ALPL: variants seen among roughly 807,000 people sequenced by gnomAD.
The protein encoded by ALPL is alkaline phosphatase, tissue-nonspecific isozyme.
Under a neutral mutation model 51.3 loss-of-function variants are expected in ALPL, and 42 were observed. That is an observed-to-expected ratio of 0.82 (90% confidence interval 0.64 to 1.06). ALPL has a LOEUF of 1.06. Among genes scored for constraint, ALPL ranks in the 50% least tolerant of loss-of-function variants. The probability of loss-of-function intolerance (pLI) is 0.00; values close to 1 mark genes in which losing one functional copy is unlikely to be tolerated. For missense variants in ALPL, 589 were observed against 709.4 expected (o/e 0.83, Z 1.93); for synonymous variants, 279 against 296.4 (o/e 0.94, Z 0.60).
chr1:21,552,047 A>G (rs1644333035), intron 1 of ALPL, among the ~76,000 whole-genome samples: 1 of 138,748 alleles, frequency 7.2e-6, no homozygotes, highest in Non-Finnish European at 1.5e-5. Flanking sequence ...TTAAGGTTGA[A>G]TCAAGATCCT....
Position 21,528,411 on chromosome 1 carries a change from G to A in ALPL, c.-105+18894G>A, listed in dbSNP as rs543855011. ...CACCCAGGCTGGAGTGCAGTGGTGT[G>A]ATCTCAGCTCACCGCAACCTCTGCC... is the stretch of plus-strand genomic sequence containing the variant. On this transcript the variant is annotated intron_variant, in intron 1 of 11. Transcript: ENST00000374840. Among the ~76,000 whole-genome samples the A allele has an allele frequency of 2.8e-5, 4 of 145,166 alleles. No homozygotes were observed. The East Asian group carries it at 8.2e-4, about 30-fold the overall frequency.
At chr1:21,535,342 G>A (rs1191660698) in intron 1 of ALPL, among the ~76,000 whole-genome samples, 1 of 152,140 alleles carries the variant, frequency 6.6e-6, no homozygotes, top group Non-Finnish European at 1.5e-5. Context: ...TTGGCTGGGT[G>A]TGGGGCCTCA....
rs1220125702 is a variant in ALPL at position 21,573,686 on chromosome 1, T to C, written c.884T>C (p.Met295Thr). ...YLLGLFEPGDMQYELNRNNVT... is the reference protein window; with the variant it reads ...YLLGLFEPGDTQYELNRNNVT... ...TCAGGTCTCTTCGAGCCAGGGGACA[T>C]GCAGTACGAGCTGAACAGGAACAAC... Residue 295 changes from methionine to threonine, a missense_variant, in exon 9 of 12, where the codon ATG becomes ACG. Transcript: ENST00000374840. 28 of 1,613,836 alleles carry C rather than the reference T, an allele frequency of 1.7e-5. No homozygotes were observed. Among genetic ancestry groups the C allele is most frequent in the Non-Finnish European group, 2.3e-5 (27 of 1,179,966 alleles).
At position 21,546,445 on chromosome 1, in the gene ALPL, C is replaced by G. The variant is rs561090873; in HGVS notation, c.-104-7533C>G. 2.0e-5 allele frequency among the ~76,000 whole-genome samples: 3 copies of G among 152,294 alleles called. 1 individual carries two copies. The South Asian group carries it at 6.2e-4, about 32-fold the overall frequency. On this transcript the variant is annotated intron_variant, in intron 1 of 11. Transcript: ENST00000374840. ...TGCACAGCTGTGCATATCCAAGTGGCTTGACCTCTCTGGGCCGTTTCTGAA... is the reference window on the plus strand; with the variant it reads ...TGCACAGCTGTGCATATCCAAGTGGGTTGACCTCTCTGGGCCGTTTCTGAA...
intron 1 of ALPL, among the ~76,000 whole-genome samples, chr1:21,526,432 G>A (rs571546888): frequency 5.1e-4 from 77 of 152,242 alleles, no homozygotes; most frequent in South Asian, 1.9e-3. Context: ...GAGCTACCAC[G>A]CCCGGCCTAC....
At position 21,576,252 on chromosome 1, in the gene ALPL, ATGATGGATGGATGGATGGG is replaced by A. The variant is rs1382704716; in HGVS notation, c.1190-267_1190-249del. Among the ~76,000 whole-genome samples, 279 of 100,556 alleles carry A rather than the reference ATGATGGATGGATGGATGGG, an allele frequency of 2.8e-3. 1 individual carries two copies. Among genetic ancestry groups the A allele is most frequent in the South Asian group, 0.011 (41 of 3,594 alleles). 66.0% of individuals were successfully genotyped at this position (100,556 alleles called of 152,430 possible). A position where few individuals can be genotyped will look rare whatever the true frequency, so the allele number is the denominator to read the frequency against. On this transcript the variant is annotated intron_variant, in intron 10 of 11. Coordinates refer to ENST00000374840, the MANE Select transcript of ALPL (RefSeq NM_000478.6). ...GATGGATGGATGGATGGATGGATGG[ATGATGGATGGATGGATGGG>A]TGGATGGATGGATGGGTGGATGGAT...
rs530038495 is a variant in ALPL, at chr1:21,562,376, A to G, written c.298-734A>G. ...GTACACTAAAATGAGGTGTGCCTGT[A>G]CTGACCTAGGTTGTTCAAGGCAGTG... On this transcript the variant is annotated intron_variant, in intron 4 of 11. Coordinates refer to ENST00000374840, the MANE Select transcript of ALPL (RefSeq NM_000478.6). Among the ~76,000 whole-genome samples the G allele has an allele frequency of 5.3e-5, 8 of 152,314 alleles. No homozygotes were observed. The East Asian group carries it at 1.4e-3, about 26-fold the overall frequency.
intron 1 of ALPL, among the ~76,000 whole-genome samples, chr1:21,534,862 A>G (rs1644076784): frequency 6.6e-6 from 1 of 152,122 alleles, no homozygotes; most frequent in Admixed American, 6.6e-5. Context: ...GGATCATTGC[A>G]AGGCCACAGT....
intron 1 of ALPL, among the ~76,000 whole-genome samples, chr1:21,524,149 G>A (rs1297747496): frequency 2.0e-5 from 3 of 151,868 alleles, no homozygotes; most frequent in Admixed American, 6.6e-5. Flanking sequence ...GATTACAGGC[G>A]CGTGCCACCA....
At chr1:21,567,702 T>C (rs1485988518) in intron 6 of ALPL, among the ~76,000 whole-genome samples, 1 of 152,228 alleles carries the variant, frequency 6.6e-6, no homozygotes, top group Admixed American at 6.5e-5. Flanking sequence ...TGCCCATTTT[T>C]TTAGTTGGAA....
At chr1:21,574,841 A>G (rs1644704456) in intron 9 of ALPL, 1 of 152,330 alleles carries the variant, frequency 6.6e-6, no homozygotes, top group African/African-American at 2.4e-5. Flanking sequence ...AAGGGAGGAC[A>G]CGCCCTGCCA....
intron 11 of ALPL, 80 bp downstream of exon 11, chr1:21,576,721 G>T: frequency 6.3e-7 from 1 of 1,587,488 alleles, no homozygotes; most frequent in South Asian, 1.1e-5. Context: ...GTCAGCTTGT[G>T]GTCAAGGTCA....
intron 1 of ALPL, among the ~76,000 whole-genome samples, chr1:21,537,148 G>A (rs946193395): frequency 6.6e-6 from 1 of 152,040 alleles, no homozygotes; most frequent in African/African-American, 2.4e-5. Context: ...TGCCCGCCTC[G>A]GCCTCCCAAA....
chr1:21,562,204 AT>A (rs1644494497), intron 4 of ALPL, among the ~76,000 whole-genome samples: 1 of 152,254 alleles, frequency 6.6e-6, no homozygotes, highest in South Asian at 2.1e-4. Context: ...GTCTAAAAAA[AT>A]GTATATACCT....
chr1:21,537,876 C>T (rs1284382237), intron 1 of ALPL, among the ~76,000 whole-genome samples: 1 of 152,164 alleles, frequency 6.6e-6, no homozygotes, highest in African/African-American at 2.4e-5. Flanking sequence ...GGGTGAAAAG[C>T]CCCCGGCGCG....
chr1:21,519,670 G>T (rs572862990), intron 1 of ALPL, among the ~76,000 whole-genome samples: 1 of 152,290 alleles, frequency 6.6e-6, no homozygotes, highest in South Asian at 2.1e-4. Context: ...GGTGGTGTAT[G>T]CCTGTAATTC....
intron 10 of ALPL, among the ~76,000 whole-genome samples, chr1:21,576,218 T>TGATGGATGGATGGATG (rs371658562): frequency 9.2e-4 from 131 of 142,464 alleles, no homozygotes; most frequent in African/African-American, 1.0e-3. Context: ...GATGGATGGA[T>TGATGGATGGATGGATG]GATGGATGGA....
chr1:21,553,942 C>T (rs1644364495), intron 1 of ALPL, 36 bp from the exon 2 acceptor site: 1 of 748,092 alleles, frequency 1.3e-6, no homozygotes, highest in South Asian at 1.5e-5. Context: ...AGAGCTGTGC[C>T]CCACATGCCT....
chr1:21,553,884 C>A (rs1348200251), intron 1 of ALPL, 94 bp from the exon 2 acceptor site: 2 of 627,506 alleles, frequency 3.2e-6, no homozygotes, highest in South Asian at 1.8e-5. Flanking sequence ...TCACCGAATA[C>A]TTGTTGAATG....
Sources: allele counts gnomAD v4.1 joint callset (sites outside exome capture counted in the v4.1 genomes callset), GRCh38; gene constraint gnomAD v4.1.1; transcripts MANE v1.5; gene names NCBI Gene and HGNC (gene_info 2026-07-23, HGNC 2026-07-21).